Variants in MLLT10 observed in about 807,000 individuals in gnomAD.
MLLT10 encodes the protein protein AF-10.
A neutral mutation model predicts 129.1 loss-of-function variants in MLLT10; 30 were observed. The ratio of observed to expected loss-of-function variants is 0.23; its 90% CI spans 0.17 to 0.32. The LOEUF is 0.32. Among genes scored for constraint, MLLT10 ranks in the 10% least tolerant of loss-of-function variants. The pLI is 1.00. For synonymous variants in MLLT10, 490 were observed against 446.4 expected, an observed-to-expected ratio of 1.10 and a Z score of -1.23; for missense variants, 1,119 against 1,268.3, an observed-to-expected ratio of 0.88 and a Z score of 1.79.
At chr10:21,579,340 T>C (rs1338711804) in intron 3 of MLLT10, among the ~76,000 whole-genome samples, 1 of 152,186 alleles carries the variant, frequency 6.6e-6, no homozygotes, top group Admixed American at 6.5e-5. Flanking sequence ...TGAGGTTTGC[T>C]GAGATTCTTG....
At chr10:21,595,480 A>C (rs2042943249) in intron 5 of MLLT10, 40 bp downstream of exon 5, 2 of 1,462,074 alleles carry the variant, frequency 1.4e-6, no homozygotes, top group Non-Finnish European at 1.9e-6. Flanking sequence ...GAATATCACT[A>C]CTGGGAAGTA....
At chr10:21,715,327 A>G (rs2056457172) in intron 14 of MLLT10, among the ~76,000 whole-genome samples, 1 of 152,210 alleles carries the variant, frequency 6.6e-6, no homozygotes, top group African/African-American at 2.4e-5. Flanking sequence ...TCGTCTTTGA[A>G]GATGAAAGTG....
At chr10:21,641,004 G>T (rs999484784) in intron 8 of MLLT10, among the ~76,000 whole-genome samples, 2 of 152,186 alleles carry the variant, frequency 1.3e-5, no homozygotes, top group African/African-American at 4.8e-5. Flanking sequence ...AGGAATCAGT[G>T]TGGATACTAG....
intron 3 of MLLT10, chr10:21,556,971 T>G: frequency 6.6e-7 from 1 of 1,519,542 alleles, no homozygotes. Context: ...TACTTGTGTT[T>G]CTGATGTGGT....
At chr10:21,723,503 G>A (rs1388653455) in intron 14 of MLLT10, among the ~76,000 whole-genome samples, 1 of 152,184 alleles carries the variant, frequency 6.6e-6, no homozygotes, top group Non-Finnish European at 1.5e-5. Flanking sequence ...CTGCATGAAC[G>A]AGAGTCAAAA....
intron 9 of MLLT10, among the ~76,000 whole-genome samples, 189 bp from the exon 10 acceptor site, chr10:21,670,259 CT>C (rs1181029405): frequency 2.0e-5 from 3 of 151,718 alleles, no homozygotes; most frequent in Non-Finnish European, 4.4e-5. Flanking sequence ...CTTTTCTTTT[CT>C]TTTTTTAAAA....
In MLLT10 at chr10:21,586,334, G is replaced by GA. The variant is rs2041982752; in HGVS notation, c.283dup (p.Thr95AsnfsTer3). 6.3e-7 allele frequency: 1 copy of GA among 1,581,614 alleles called. No homozygotes were observed. The highest frequency in any genetic ancestry group is 1.4e-5 in the African/African-American group (1 of 73,142). On this transcript the variant is annotated frameshift_variant, in exon 4 of 23. Coordinates refer to ENST00000307729, the MANE Select transcript of MLLT10 (RefSeq NM_001195626.3). LOFTEE classifies it high-confidence loss of function. ...CCCCATAAGGATGGAGCTTTAAAAA[G>GA]AACAGATAATGGGGGTAAGTGCAGA...
intron 3 of MLLT10, among the ~76,000 whole-genome samples, chr10:21,585,833 C>T (rs2131092235): frequency 6.6e-6 from 1 of 152,328 alleles, no homozygotes; most frequent in South Asian, 2.1e-4. Context: ...GCGATCTTGG[C>T]TCACCGCAAC....
At chr10:21,662,910 CTTAG>C (rs918092529) in intron 9 of MLLT10, among the ~76,000 whole-genome samples, 9 of 152,228 alleles carry the variant, frequency 5.9e-5, no homozygotes, top group Middle Eastern at 3.4e-3. Context: ...ATAGGGGCTT[CTTAG>C]TTATTTTTTT....
chr10:21,582,013 A>C (rs774271365), intron 3 of MLLT10, among the ~76,000 whole-genome samples: 1 of 152,182 alleles, frequency 6.6e-6, no homozygotes, highest in Non-Finnish European at 1.5e-5. Flanking sequence ...GTTCCATTTA[A>C]TCTCATGGGA....
chr10:21,582,103 A>G (rs979590750), intron 3 of MLLT10, among the ~76,000 whole-genome samples: 2 of 151,112 alleles, frequency 1.3e-5, no homozygotes, highest in African/African-American at 4.9e-5. Context: ...CTTATAGTAC[A>G]TTGTTATTTT....
At chr10:21,603,224 T>G (rs1192958416) in intron 5 of MLLT10, among the ~76,000 whole-genome samples, 1 of 149,990 alleles carries the variant, frequency 6.7e-6, no homozygotes, top group African/African-American at 2.4e-5. Context: ...GGCTAATTTT[T>G]TTTTTTTTTT....
intron 2 of MLLT10, 88 bp downstream of exon 2, chr10:21,534,892 C>A: frequency 1.1e-6 from 1 of 951,820 alleles, no homozygotes; most frequent in African/African-American, 1.8e-5. Flanking sequence ...CCGGCGCCCC[C>A]GCCCCGTGCC....
chr10:21,586,466 T>C, intron 4 of MLLT10, 118 bp downstream of exon 4: 1 of 815,872 alleles, frequency 1.2e-6, no homozygotes. Context: ...TACTCATTTT[T>C]AACAGTGGTG....
chr10:21,625,706 T>C (rs2046363105), intron 8 of MLLT10: 1 of 767,746 alleles, frequency 1.3e-6, no homozygotes, highest in Non-Finnish European at 2.4e-6. Flanking sequence ...AACAAAAGTC[T>C]GTTGTTTGCC....
At chr10:21,654,922 C>G (rs1348891391) in intron 9 of MLLT10, among the ~76,000 whole-genome samples, 1 of 152,104 alleles carries the variant, frequency 6.6e-6, no homozygotes, top group African/African-American at 2.4e-5. Context: ...CCTGTAGTTT[C>G]AGTACTTTGG....
At chr10:21,572,813 AT>A (rs370577796) in intron 3 of MLLT10, among the ~76,000 whole-genome samples, 4,218 of 151,876 alleles carry the variant, frequency 0.028, 197 homozygotes, top group African/African-American at 0.095. Flanking sequence ...GGGTTTCACC[AT>A]TGTTGGCCAG....
intron 4 of MLLT10, among the ~76,000 whole-genome samples, chr10:21,592,548 C>T (rs377173636): frequency 2.0e-5 from 3 of 152,148 alleles, no homozygotes; most frequent in African/African-American, 2.4e-5. Flanking sequence ...CTCCACCCCC[C>T]GGGGTTCACG....
chr10:21,535,125 G>A (rs1045653134), intron 2 of MLLT10, among the ~76,000 whole-genome samples: 29 of 144,170 alleles, frequency 2.0e-4, no homozygotes, highest in African/African-American at 7.1e-4. Flanking sequence ...CCGGGGTGGG[G>A]GCGGGGGCGG....
Sources: allele counts gnomAD v4.1 joint callset (sites outside exome capture counted in the v4.1 genomes callset), GRCh38; gene constraint gnomAD v4.1.1; transcripts MANE v1.5; gene names NCBI Gene and HGNC (gene_info 2026-07-23, HGNC 2026-07-21).